The following CCNK variants were observed in gnomAD, a reference collection of about 807,000 sequenced individuals.
CCNK encodes the protein cyclin-K.
In CCNK, 9 loss-of-function variants were observed where a neutral mutation model predicts 65.0. The ratio of observed to expected loss-of-function variants is 0.14; its 90% CI spans 0.08 to 0.24. The LOEUF (loss-of-function observed/expected upper bound fraction) is 0.24. Ranked by LOEUF, CCNK falls within the 10% of genes least tolerant of loss-of-function variation. CCNK has a pLI of 1.00. For missense variants in CCNK, 474 were observed against 720.0 expected (o/e 0.66, Z 3.91); for synonymous variants, 279 against 270.8 (o/e 1.03, Z -0.30).
At chr14:99,501,306 C>A (rs1157543890) in intron 5 of CCNK, 50 bp from the exon 6 acceptor site, 3 of 1,160,588 alleles carry the variant, frequency 2.6e-6, no homozygotes, top group Non-Finnish European at 3.9e-6. Context: ...TTGATGCTGC[C>A]TGTGAATTTT....
chr14:99,495,300 A>G, intron 3 of CCNK, 198 bp from the exon 4 acceptor site: 1 of 314,280 alleles, frequency 3.2e-6, no homozygotes. Context: ...ATTTTAAATA[A>G]TTTATGAAGC....
At chr14:99,493,476 T>TA in intron 2 of CCNK, 38 bp from the exon 3 acceptor site, 1 of 1,349,548 alleles carries the variant, frequency 7.4e-7, no homozygotes, top group Non-Finnish European at 1.0e-6. Flanking sequence ...GTATAACCTG[T>TA]AAAAGTTATT....
intron 2 of CCNK, chr14:99,493,139 A>G (rs1595308297): frequency 2.1e-6 from 1 of 467,066 alleles, no homozygotes; most frequent in Admixed American, 4.0e-5. Context: ...ACAGTGGCTC[A>G]TGCCTGTAAT....
intron 2 of CCNK, 31 bp downstream of exon 2, chr14:99,492,905 G>C: frequency 2.6e-6 from 4 of 1,528,200 alleles, no homozygotes; most frequent in Non-Finnish European, 3.5e-6. Context: ...ATCTGTTACA[G>C]ATAGGCTCCC....
intron 1 of CCNK, among the ~76,000 whole-genome samples, chr14:99,483,555 A>G (rs954369421): frequency 2.6e-5 from 4 of 152,190 alleles, no homozygotes; most frequent in Non-Finnish European, 2.9e-5. Context: ...GTCTCAAGAA[A>G]AAGCCAGGTG....
intron 9 of CCNK, chr14:99,506,756 TG>T: frequency 2.7e-6 from 1 of 367,380 alleles, no homozygotes; most frequent in South Asian, 2.3e-5. Flanking sequence ...AGGTCATACA[TG>T]CTCATGAAGA....
intron 5 of CCNK, 89 bp from the exon 6 acceptor site, chr14:99,501,267 T>C (rs1480349345): frequency 8.3e-6 from 7 of 844,018 alleles, no homozygotes; most frequent in Non-Finnish European, 1.4e-5. Flanking sequence ...TGAGTGGTGC[T>C]GAACACGTGG....
chr14:99,493,729 T>G, intron 3 of CCNK, 134 bp downstream of exon 3: 1 of 527,128 alleles, frequency 1.9e-6, no homozygotes, highest in South Asian at 3.9e-5. Context: ...ATACTGCATA[T>G]AAACAAAATC....
intron 1 of CCNK, among the ~76,000 whole-genome samples, chr14:99,490,529 A>G (rs1488960006): frequency 6.6e-6 from 1 of 152,258 alleles, no homozygotes; most frequent in African/African-American, 2.4e-5. Flanking sequence ...GCAAAGCTGT[A>G]TAAAAAGATA....
At chr14:99,502,695 A>G (rs756548583) in intron 7 of CCNK, 24 bp from the exon 8 acceptor site, 2 of 1,605,336 alleles carry the variant, frequency 1.2e-6, no homozygotes, top group Non-Finnish European at 8.5e-7. Flanking sequence ...TTTGTGTAAA[A>G]TGTAATTGTT....
chr14:99,504,650 A>C (rs1896928956), intron 9 of CCNK: 1 of 152,112 alleles, frequency 6.6e-6, no homozygotes, highest in Non-Finnish European at 1.5e-5. Flanking sequence ...GGGTTTCTCC[A>C]TGTTGGTCAG....
rs202078095 is a variant in CCNK at position 99,510,735 on chromosome 14, G to A, written c.1696G>A (p.Gly566Ser). ...PPVPPPIPPP[G>S]MPPVGGLGRA... ...TGTGCCCCCGCCCATTCCCCCACCC[G>A]GCATGCCTCCAGTTGGGGGGCTGGG... Residue 566 changes from glycine to serine, a missense_variant, in exon 11 of 11, where the codon GGC (glycine) becomes AGC (serine). Physicochemically the swap from Gly to Ser is moderately conservative, Grantham distance 56. Transcript: ENST00000389879. 162 of 1,450,512 alleles carry A rather than the reference G, an allele frequency of 1.1e-4. 1 individual carries two copies. In the Admixed American group the frequency reaches 4.0e-3, roughly 35 times the overall value. The allele number at this position is 1,450,512 out of a possible 1,614,324, so 89.9% of individuals were successfully genotyped here. A position where few individuals can be genotyped will look rare whatever the true frequency, so the allele number is the denominator to read the frequency against.
chr14:99,482,833 C>T (rs1413612349), intron 1 of CCNK, among the ~76,000 whole-genome samples: 3 of 149,078 alleles, frequency 2.0e-5, no homozygotes, highest in Non-Finnish European at 4.5e-5. Flanking sequence ...TAGTTCATTT[C>T]AGGACATTAT....
At chr14:99,507,378 G>T (rs1897001861) in intron 10 of CCNK, 2 of 521,176 alleles carry the variant, frequency 3.8e-6, no homozygotes, top group Non-Finnish European at 7.0e-6. Context: ...GGAGTTCGAG[G>T]TCAGCCTGGG....
intron 5 of CCNK, 163 bp from the exon 6 acceptor site, chr14:99,501,193 G>T: frequency 1.6e-6 from 1 of 625,688 alleles, no homozygotes; most frequent in South Asian, 2.0e-5. Context: ...GAGGAAGAAG[G>T]GGTAGGATGT....
In CCNK at chr14:99,511,861, AC is replaced by A. The variant is rs1407400966; in HGVS notation, c.*1080del. On this transcript the variant is annotated 3_prime_UTR_variant, in exon 11 of 11. Coordinates refer to ENST00000389879, the MANE Select transcript of CCNK (RefSeq NM_001099402.2). The stretch of plus-strand genomic sequence containing the variant: ...CTTTCCACTTCTGGCCTGTGATGAG[AC>A]AGAGGCAGCTGGAGGAGCAGCGGCC... The A allele has an allele frequency of 6.6e-6, 1 of 152,486 alleles. No homozygotes were observed. The highest frequency in any genetic ancestry group is 1.5e-5 in the Non-Finnish European group (1 of 68,062). The allele number at this position is 152,486 out of a possible 1,614,324, so 9.4% of individuals were successfully genotyped here.
chr14:99,510,727 C>T lies in CCNK; in HGVS notation c.1688C>T (p.Pro563Leu). 2.1e-6 allele frequency: 3 copies of T among 1,423,416 alleles called. No homozygotes were observed. The highest frequency in any genetic ancestry group is 2.8e-6 in the Non-Finnish European group (3 of 1,087,836). 88.2% of individuals were successfully genotyped at this position (1,423,416 alleles called of 1,614,324 possible). The change falls in exon 11 of 11, where the codon CCC becomes CTC. Residue 563 changes from proline (P) to leucine (L), a missense_variant. Around this residue, in one of 6 missense-constraint regions of CCNK, gnomAD observed 53 missense variants for 91.4 expected, o/e 0.58. Coordinates refer to ENST00000389879, the MANE Select transcript of CCNK (RefSeq NM_001099402.2). ...GGQPPVPPPI[P>L]PPGMPPVGGL... ...CAGCCTCCTGTGCCCCCGCCCATTC[C>T]CCCACCCGGCATGCCTCCAGTTGGG... is the stretch of plus-strand genomic sequence containing the variant.
intron 1 of CCNK, among the ~76,000 whole-genome samples, chr14:99,486,026 A>G (rs994020947): frequency 6.6e-6 from 1 of 152,220 alleles, no homozygotes; most frequent in Non-Finnish European, 1.5e-5. Context: ...CAAATTACCC[A>G]TTTAAACTGT....
chr14:99,492,109 T>G (rs1896609575), intron 1 of CCNK: 1 of 152,298 alleles, frequency 6.6e-6, no homozygotes. Flanking sequence ...ATTCAGTGAT[T>G]TGTGCAGATG....
Sources: allele counts gnomAD v4.1 joint callset (sites outside exome capture counted in the v4.1 genomes callset), GRCh38; gene constraint gnomAD v4.1.1; regional missense constraint gnomAD v4.1.1; transcripts MANE v1.5; gene names NCBI Gene and HGNC (gene_info 2026-07-23, HGNC 2026-07-21).